LDLRAD4: variants seen among roughly 807,000 people sequenced by gnomAD.
LDLRAD4 encodes the protein low density lipoprotein receptor class A domain containing 4, also known as low-density lipoprotein receptor class A domain-containing protein 4.
LDLRAD4 carries 5 observed loss-of-function variants against 17.0 expected under a neutral mutation model. That is an observed-to-expected ratio of 0.29 (90% CI 0.15 to 0.62). The LOEUF (loss-of-function observed/expected upper bound fraction) is 0.62, where lower values mean the gene tolerates loss of function less well. Ranked by LOEUF, LDLRAD4 falls within the 20% of genes least tolerant of loss-of-function variation. The probability of loss-of-function intolerance (pLI) is 0.84; values close to 1 mark genes in which losing one functional copy is unlikely to be tolerated. For synonymous variants in LDLRAD4, 168 were observed against 171.8 expected, an observed-to-expected ratio of 0.98 and a Z score of 0.17; for missense variants, 340 against 424.7, an observed-to-expected ratio of 0.80 and a Z score of 1.75.
chr18:13,478,283 G>T (rs764594637), intron 3 of LDLRAD4, among the ~76,000 whole-genome samples: 31 of 152,200 alleles, frequency 2.0e-4, no homozygotes, highest in Non-Finnish European at 3.4e-4. Flanking sequence ...GGAATCGCCA[G>T]GTGATGAATA....
At chr18:13,605,961 G>T (rs1330077136) in intron 3 of LDLRAD4, among the ~76,000 whole-genome samples, 1 of 152,142 alleles carries the variant, frequency 6.6e-6, no homozygotes. Context: ...TCTGGGCGGG[G>T]CTCAAGATCG....
Position 13,513,147 on chromosome 18 carries a change from C to A in LDLRAD4, c.181+74763C>A, listed in dbSNP as rs148706698. Reference sequence around the variant, plus strand: ...TCTGATGATCATGTCATCCAGCCTGCCCTACATTGCAGTTTGCTTTGTTCT... The same window carrying A: ...TCTGATGATCATGTCATCCAGCCTGACCTACATTGCAGTTTGCTTTGTTCT... On this transcript the variant is annotated intron_variant, in intron 3 of 5. Transcript: ENST00000359446. 1.6e-4 allele frequency among the ~76,000 whole-genome samples: 25 copies of A among 152,304 alleles called. No individual in the cohort carries two copies. In the East Asian group the frequency reaches 1.9e-3, roughly 12 times the overall value.
At chr18:13,223,323 A>G (rs1233966604) in intron 1 of LDLRAD4, among the ~76,000 whole-genome samples, 1 of 152,048 alleles carries the variant, frequency 6.6e-6, no homozygotes, top group Non-Finnish European at 1.5e-5. Flanking sequence ...AATTCTTCCC[A>G]CTCACACTGG....
chr18:13,505,134 T>A lies in LDLRAD4; in HGVS notation c.181+66750T>A, dbSNP rs2034006983. Among the ~76,000 whole-genome samples the A allele has an allele frequency of 2.0e-5, 3 of 152,156 alleles. No individual in the cohort carries two copies. In the South Asian group the frequency reaches 6.2e-4, roughly 32 times the overall value. ...TTCTGAATAAGGAAATATAAAAATG[T>A]CTCTTAATTCCCCTAGGCAGTAGGA... On this transcript the variant is annotated intron_variant, in intron 3 of 5. Coordinates refer to ENST00000359446, the Ensembl canonical transcript of LDLRAD4.
intron 1 of LDLRAD4, among the ~76,000 whole-genome samples, chr18:13,384,657 A>G (rs1325410235): frequency 1.3e-5 from 2 of 152,170 alleles, no homozygotes; most frequent in Non-Finnish European, 2.9e-5. Flanking sequence ...AAGTGAGATC[A>G]TGTAGTACTT....
chr18:13,376,392 C>G (rs964679466), intron 1 of LDLRAD4, among the ~76,000 whole-genome samples: 3 of 152,330 alleles, frequency 2.0e-5, no homozygotes, highest in Middle Eastern at 3.4e-3. Context: ...CCTCTCAGAG[C>G]CTGTGCATCC....
At chr18:13,242,030 G>C (rs2042683282) in intron 1 of LDLRAD4, 1 of 152,242 alleles carries the variant, frequency 6.6e-6, no homozygotes, top group Admixed American at 6.5e-5. Context: ...GGGCTTCGTG[G>C]CCTATCTTTA....
chr18:13,351,644 C>T (rs967612776), intron 1 of LDLRAD4, among the ~76,000 whole-genome samples: 6 of 151,998 alleles, frequency 3.9e-5, no homozygotes, highest in African/African-American at 7.3e-5. Context: ...CGAAAAAAGC[C>T]CAGGACCAGA....
chr18:13,582,733 G>A (rs1296406424), intron 3 of LDLRAD4, among the ~76,000 whole-genome samples: 1 of 152,146 alleles, frequency 6.6e-6, no homozygotes, highest in East Asian at 1.9e-4. Flanking sequence ...CTTTTCTAGA[G>A]ACGAGGTCTC....
chr18:13,506,198 C>T (rs914314111), intron 3 of LDLRAD4, among the ~76,000 whole-genome samples: 7 of 146,788 alleles, frequency 4.8e-5, no homozygotes, highest in Middle Eastern at 3.2e-3. Flanking sequence ...TGGCCACCAA[C>T]CTGCGAGCAG....
chr18:13,484,187 G>C (rs898998547), intron 3 of LDLRAD4: 4 of 152,428 alleles, frequency 2.6e-5, no homozygotes, highest in African/African-American at 9.6e-5. Context: ...TTCGCTGGGT[G>C]ATGCTGGGGT....
chr18:13,330,737 G>A (rs1021042662), intron 1 of LDLRAD4, among the ~76,000 whole-genome samples: 1 of 152,194 alleles, frequency 6.6e-6, no homozygotes, highest in Non-Finnish European at 1.5e-5. Context: ...CCCGTAGATA[G>A]CTCCAAGATG....
chr18:13,337,613 C>T (rs1225877516), intron 1 of LDLRAD4, among the ~76,000 whole-genome samples: 2 of 151,920 alleles, frequency 1.3e-5, no homozygotes, highest in South Asian at 2.1e-4. Flanking sequence ...GTTTAAAAGT[C>T]GGCGGGGGGC....
upstream of LDLRAD4, among the ~76,000 whole-genome samples, chr18:13,277,007 GT>G: frequency 6.6e-6 from 1 of 152,324 alleles, no homozygotes; most frequent in South Asian, 2.1e-4. Flanking sequence ...GCAGTGGGTT[GT>G]TTTCATCTCT....
At chr18:13,421,745 A>C (rs2089475505) in intron 2 of LDLRAD4, among the ~76,000 whole-genome samples, 1 of 152,226 alleles carries the variant, frequency 6.6e-6, no homozygotes, top group African/African-American at 2.4e-5. Flanking sequence ...TGTAGAATTA[A>C]AAGATACCGT....
intron 1 of LDLRAD4, among the ~76,000 whole-genome samples, chr18:13,363,325 C>G (rs2083819157): frequency 2.3e-5 from 2 of 85,550 alleles, no homozygotes; most frequent in East Asian, 6.3e-4. Flanking sequence ...GAGCAAGACT[C>G]CGTCTCAAAA....
chr18:13,286,490 GCCTCCTGAGTAGTTGGGAATA>G (rs1469176418), intron 1 of LDLRAD4, among the ~76,000 whole-genome samples: 1 of 152,240 alleles, frequency 6.6e-6, no homozygotes, highest in Non-Finnish European at 1.5e-5. Flanking sequence ...TCCTGCCTCA[GCCTCCTGAGTAGTTGGGAATA>G]CAGGTGTGTG....
At chr18:13,647,244 T>C (rs1005541337) in exon 6 of LDLRAD4, 1 of 152,164 alleles carries the variant, frequency 6.6e-6, no homozygotes, top group Non-Finnish European at 1.5e-5. Context: ...TCCTGATATT[T>C]ACAAATATTC....
rs181441008 is a variant in LDLRAD4, at chr18:13,260,518, C to A, written c.-466-17587C>A. On this transcript the variant is annotated intron_variant, in intron 1 of 5. Transcript: ENST00000399848. ...TAGTATTGGTTTTATGTGAACTTGGCAAAATTTGCTCCCGTTCAGGGTGAC... is the reference window on the plus strand; with the variant it reads ...TAGTATTGGTTTTATGTGAACTTGGAAAAATTTGCTCCCGTTCAGGGTGAC... Among the ~76,000 whole-genome samples, 8 of 152,290 alleles carry A rather than the reference C, an allele frequency of 5.3e-5. No homozygotes were observed. In the East Asian group the frequency reaches 9.6e-4, roughly 18 times the overall value.
Sources: gnomAD v4.1 joint callset for allele counts (sites outside exome capture counted in the v4.1 genomes callset) on GRCh38, gnomAD v4.1.1 for gene constraint, MANE v1.5 for transcripts, NCBI Gene and HGNC (gene_info 2026-07-23, HGNC 2026-07-21) for gene names.